Variants in AGBL4 observed in about 807,000 individuals in gnomAD.
AGBL4 encodes cytosolic carboxypeptidase 6.
Under a neutral mutation model 66.4 loss-of-function variants are expected in AGBL4, and 58 were observed. That is an observed-to-expected ratio of 0.87 (90% confidence interval 0.71 to 1.09). The LOEUF is 1.09. AGBL4 is among the 50% of genes least tolerant of loss of function. The pLI is 0.00. For missense variants in AGBL4, 579 were observed against 631.0 expected, an observed-to-expected ratio of 0.92 and a Z score of 0.88; for synonymous variants, 234 against 222.9, an observed-to-expected ratio of 1.05 and a Z score of -0.44.
chr1:49,260,685 G>C (rs959401292), intron 3 of AGBL4, among the ~76,000 whole-genome samples: 1 of 151,960 alleles, frequency 6.6e-6, no homozygotes, highest in African/African-American at 2.4e-5. Context: ...CAACCAAAAA[G>C]AGTCCAGGAC....
chr1:49,275,158 T>C (rs1644142903), intron 3 of AGBL4, among the ~76,000 whole-genome samples: 1 of 152,204 alleles, frequency 6.6e-6, no homozygotes. Flanking sequence ...TTTTCAGATA[T>C]GGCTAAACTA....
At chr1:49,917,424 GT>G (rs1651664622) in intron 1 of AGBL4, among the ~76,000 whole-genome samples, 1 of 151,740 alleles carries the variant, frequency 6.6e-6, no homozygotes, top group South Asian at 2.1e-4. Context: ...AAAAGGCAGG[GT>G]TTGCAATCCT....
At chr1:49,252,338 G>T (rs1381609412) in intron 3 of AGBL4, among the ~76,000 whole-genome samples, 1 of 151,924 alleles carries the variant, frequency 6.6e-6, no homozygotes, top group Non-Finnish European at 1.5e-5. Flanking sequence ...TCTGAAATAA[G>T]ACAGGCGGAC....
intron 3 of AGBL4, among the ~76,000 whole-genome samples, chr1:49,381,450 G>T (rs1334989800): frequency 6.6e-6 from 1 of 152,094 alleles, no homozygotes; most frequent in Non-Finnish European, 1.5e-5. Context: ...ATTCCTCAGG[G>T]ATCTAGAACT....
At chr1:48,588,656 A>AGTGTGTGTGTGTGTGT (rs57683318) in intron 10 of AGBL4, among the ~76,000 whole-genome samples, 6,822 of 147,528 alleles carry the variant, frequency 0.046, 210 homozygotes, top group Middle Eastern at 0.097. Flanking sequence ...GAAACAGAGA[A>AGTGTGTGTGTGTGTGT]GTGTGTGTGT....
At chr1:50,016,980 T>G (rs919231343) in intron 1 of AGBL4, 16 of 152,098 alleles carry the variant, frequency 1.1e-4, no homozygotes, top group African/African-American at 3.9e-4. Context: ...TAAAGACACA[T>G]GCACACATAC....
In AGBL4 at chr1:49,286,344, A is replaced by G. The variant is rs367838794; in HGVS notation, c.283-40480T>C. ...TTTCACCACTCCTATTCAACATAGT[A>G]TTGGAAGTTCTGGCCAGGGCAATTA... is the stretch of plus-strand genomic sequence containing the variant. On this transcript the variant is annotated intron_variant, in intron 3 of 13. Coordinates refer to ENST00000371839, the MANE Select transcript of AGBL4 (RefSeq NM_032785.4). Among the ~76,000 whole-genome samples, 34 of 151,756 alleles carry G rather than the reference A, an allele frequency of 2.2e-4. No individual in the cohort carries two copies. In the East Asian group the frequency reaches 4.7e-3, roughly 21 times the overall value.
intron 2 of AGBL4, among the ~76,000 whole-genome samples, chr1:49,702,129 AC>A (rs992529108): frequency 9.2e-5 from 14 of 152,322 alleles, no homozygotes; most frequent in African/African-American, 3.1e-4. Context: ...AAAACTTCCC[AC>A]CAGGAAAATT....
At chr1:48,581,566 A>G (rs537311848) in intron 11 of AGBL4, among the ~76,000 whole-genome samples, 1 of 152,308 alleles carries the variant, frequency 6.6e-6, no homozygotes, top group Non-Finnish European at 1.5e-5. Flanking sequence ...TCTTTTTCAA[A>G]TCGTTTGAAC....
At chr1:49,933,114 G>C (rs1157154520) in intron 1 of AGBL4, among the ~76,000 whole-genome samples, 2 of 152,078 alleles carry the variant, frequency 1.3e-5, no homozygotes, top group East Asian at 3.9e-4. Flanking sequence ...TCTACACTGA[G>C]ATAAACCTGC....
Position 49,430,191 on chromosome 1 carries a change from A to G in AGBL4, c.283-184327T>C, listed in dbSNP as rs1285022717. On this transcript the variant is annotated intron_variant, in intron 3 of 13. Transcript: ENST00000371839. ...CCTTGTTCACCTCAGATACTTCTCA[A>G]ATGGAGCTCCATCTGCTTGAAATGC... Among the ~76,000 whole-genome samples the G allele has an allele frequency of 8.6e-5, 13 of 152,014 alleles. No individual in the cohort carries two copies. The East Asian group carries it at 2.5e-3, about 29-fold the overall frequency.
intron 3 of AGBL4, among the ~76,000 whole-genome samples, chr1:49,548,026 CCTCCCAAAGTG>C (rs1202032575): frequency 6.6e-6 from 1 of 152,082 alleles, no homozygotes; most frequent in African/African-American, 2.4e-5. Context: ...CCTGCCTTGG[CCTCCCAAAGTG>C]CTGGGATTAC....
At chr1:49,983,721 G>T (rs1031932770) in intron 1 of AGBL4, among the ~76,000 whole-genome samples, 7 of 152,060 alleles carry the variant, frequency 4.6e-5, no homozygotes, top group Admixed American at 2.0e-4. Context: ...ACATTTTTTT[G>T]ATTTTTTTCA....
intron 3 of AGBL4, among the ~76,000 whole-genome samples, chr1:49,666,601 T>A: frequency 6.6e-6 from 1 of 151,536 alleles, no homozygotes; most frequent in Non-Finnish European, 1.5e-5. Flanking sequence ...AAATAAAAAT[T>A]AAAATTAAAA....
At chr1:49,487,694 G>A (rs1647098790) in intron 3 of AGBL4, among the ~76,000 whole-genome samples, 1 of 151,858 alleles carries the variant, frequency 6.6e-6, no homozygotes, top group Non-Finnish European at 1.5e-5. Context: ...ATTACCCAGT[G>A]TTGAGTATTT....
rs367738918 is a variant in AGBL4, at chr1:50,012,563, C to A, written c.34+11200G>T. Among the ~76,000 whole-genome samples the A allele has an allele frequency of 3.0e-4, 45 of 152,088 alleles. 2 individuals carry two copies. The East Asian group carries it at 6.2e-3, about 21-fold the overall frequency. ...TATAAGAACATTTAGCTTGCTAGGACAGCAACAAAAATAATTTATCTATCC... is the reference window on the plus strand; with the variant it reads ...TATAAGAACATTTAGCTTGCTAGGAAAGCAACAAAAATAATTTATCTATCC... On this transcript the variant is annotated intron_variant, in intron 1 of 13. Coordinates refer to ENST00000371839, the MANE Select transcript of AGBL4 (RefSeq NM_032785.4).
At chr1:48,557,529 CCACCAT>C (rs138033195) in intron 11 of AGBL4, among the ~76,000 whole-genome samples, 139 of 152,178 alleles carry the variant, frequency 9.1e-4, no homozygotes, top group Middle Eastern at 3.4e-3. Context: ...GCCCTGAATA[CCACCAT>C]CTGAAGGCAT....
chr1:49,613,809 T>C (rs1485886211), intron 3 of AGBL4, among the ~76,000 whole-genome samples: 1 of 152,158 alleles, frequency 6.6e-6, no homozygotes, highest in African/African-American at 2.4e-5. Flanking sequence ...GTAATGTGCT[T>C]GAATCATCCC....
intron 1 of AGBL4, among the ~76,000 whole-genome samples, chr1:49,882,581 T>C (rs1044645931): frequency 1.3e-5 from 2 of 152,180 alleles, no homozygotes; most frequent in African/African-American, 4.8e-5. Context: ...TGGTTTGTAG[T>C]TCTCCTTGAA....
Sources: gnomAD v4.1 joint callset for allele counts (sites outside exome capture counted in the v4.1 genomes callset) on GRCh38, gnomAD v4.1.1 for gene constraint, MANE v1.5 for transcripts, NCBI Gene and HGNC (gene_info 2026-07-23, HGNC 2026-07-21) for gene names.